TMEM201: variants seen among roughly 807,000 people sequenced by gnomAD.
TMEM201 encodes the protein RP13-15M17.2.
TMEM201 carries 26 observed loss-of-function variants against 63.4 expected under a neutral mutation model. That is an observed-to-expected ratio of 0.41 (90% CI 0.30 to 0.57). The LOEUF (loss-of-function observed/expected upper bound fraction) is 0.57. TMEM201 is among the 20% of genes least tolerant of loss of function. The probability of loss-of-function intolerance (pLI) is 0.29; values close to 1 mark genes in which losing one functional copy is unlikely to be tolerated. For synonymous variants in TMEM201, 417 were observed against 421.6 expected, an observed-to-expected ratio of 0.99 and a Z score of 0.14; for missense variants, 794 against 917.7, an observed-to-expected ratio of 0.87 and a Z score of 1.74.
In TMEM201 at chr1:9,610,977, T is replaced by A; in HGVS notation, c.1765+172T>A. 6.5e-7 allele frequency: 1 copy of A among 1,529,372 alleles called. No individual in the cohort carries two copies. The allele number at this position is 1,529,372 out of a possible 1,614,324, so 94.7% of individuals were successfully genotyped here. ...TGGTGACTTGAACCCTCTGGGACAT[T>A]GACCTCTAATGGCTGATTTCAGTTT... On this transcript the variant is annotated intron_variant, in intron 9 of 10. Transcript: ENST00000340381. This position sits in a 1 kb window ranked among gnomAD's most constrained non-coding sequence, Gnocchi z 4.9.
At chr1:9,606,613 G>T (rs1224404387) in intron 6 of TMEM201, 1 of 152,288 alleles carries the variant, frequency 6.6e-6, no homozygotes, top group Non-Finnish European at 1.5e-5. Flanking sequence ...GTTGTCCACT[G>T]GGCTCATTTG....
chr1:9,609,017 G>A (rs1276574649), intron 7 of TMEM201, among the ~76,000 whole-genome samples: 1 of 152,210 alleles, frequency 6.6e-6, no homozygotes, highest in Non-Finnish European at 1.5e-5. Context: ...CTCAGGTGCT[G>A]TGGCCAGAAT....
At chr1:9,611,213 TTC>T (rs199870263) in intron 9 of TMEM201, 10 of 490,382 alleles carry the variant, frequency 2.0e-5, no homozygotes, top group African/African-American at 1.4e-4. Context: ...TTTTTTTTTT[TTC>T]GAGATGCAGT....
rs374824438 is a variant in TMEM201 at position 9,611,786 on chromosome 1, G to C, written c.1799G>C (p.Cys600Ser). 1 of 1,551,090 alleles carries C rather than the reference G, an allele frequency of 6.4e-7. No homozygotes were observed. The highest frequency in any genetic ancestry group is 8.7e-7 in the Non-Finnish European group (1 of 1,147,042). ...TCCAAGCTGGAAAGAGGCAGTGCCT[G>C]CAGCAACCGCTCCATCAAGAAAGAG... ...LRSKLERGSACSNRSIKKEDD... is the reference protein window; with the variant it reads ...LRSKLERGSASSNRSIKKEDD... Residue 600 changes from cysteine to serine, a missense_variant, in exon 10 of 11, where the codon TGC becomes TCC. Coordinates refer to ENST00000340381, the MANE Select transcript of TMEM201 (RefSeq NM_001130924.3).
chr1:9,611,623 G>A (rs1203516643), intron 9 of TMEM201, 130 bp from the exon 10 acceptor site: 3 of 1,207,150 alleles, frequency 2.5e-6, no homozygotes, highest in African/African-American at 1.5e-5. Context: ...GTCCAGGGTG[G>A]ATGAGTGGCT....
Position 9,613,935 on chromosome 1 carries a change from C to T in TMEM201, c.*852C>T, listed in dbSNP as rs1569971657. 6.6e-6 allele frequency: 1 copy of T among 152,492 alleles called. No individual in the cohort carries two copies. Among genetic ancestry groups the T allele is most frequent in the Admixed American group, 6.5e-5 (1 of 15,306 alleles). 9.4% of individuals were successfully genotyped at this position (152,492 alleles called of 1,614,324 possible). A position where few individuals can be genotyped will look rare whatever the true frequency, so the allele number is the denominator to read the frequency against. ...GACCACCCTACTGGGCACCTGCCTCCAGCCCCTGAGAACTCCATCTTCCCC... is the reference window on the plus strand; with the variant it reads ...GACCACCCTACTGGGCACCTGCCTCTAGCCCCTGAGAACTCCATCTTCCCC... On this transcript the variant is annotated 3_prime_UTR_variant, in exon 11 of 11. Transcript: ENST00000340381.
intron 3 of TMEM201, among the ~76,000 whole-genome samples, chr1:9,598,008 G>T (rs1352897092): frequency 1.3e-5 from 2 of 152,212 alleles, no homozygotes; most frequent in Non-Finnish European, 2.9e-5. Flanking sequence ...ACAAAGACAG[G>T]CCTGGCCAGG....
chr1:9,594,983 G>A (rs1376676763), intron 1 of TMEM201, among the ~76,000 whole-genome samples: 1 of 152,236 alleles, frequency 6.6e-6, no homozygotes, highest in Non-Finnish European at 1.5e-5. Flanking sequence ...GGGCTCAAGC[G>A]GTGTCCTCGA....
intron 2 of TMEM201, 129 bp from the exon 3 acceptor site, chr1:9,596,729 GA>G (rs1557550473): frequency 3.0e-5 from 29 of 958,436 alleles, no homozygotes; most frequent in Admixed American, 8.3e-5. Context: ...GTGTGCAGAA[GA>G]AAAAAAAGAA....
At chr1:9,601,523 G>C (rs184693123) in intron 5 of TMEM201, 69 bp downstream of exon 5, 2 of 1,430,646 alleles carry the variant, frequency 1.4e-6, no homozygotes, top group Non-Finnish European at 1.9e-6. Flanking sequence ...TCTAGGGCGG[G>C]GGCCAAGAGA....
chr1:9,592,730 G>A (rs1388941323), intron 1 of TMEM201, among the ~76,000 whole-genome samples: 1 of 121,208 alleles, frequency 8.3e-6, no homozygotes, highest in Non-Finnish European at 2.0e-5. Flanking sequence ...TTGTGGACGG[G>A]GCAGGTACAG....
intron 10 of TMEM201, 22 bp downstream of exon 10, chr1:9,611,912 A>C (rs1468912618): frequency 3.2e-5 from 27 of 855,468 alleles, no homozygotes; most frequent in East Asian, 5.2e-5. Context: ...GAGGTGCGGG[A>C]GGGGAGGGGG....
Position 9,602,177 on chromosome 1 carries a change from C to T in TMEM201, c.1065C>T (p.Leu355=). 1 of 1,613,202 alleles carries T rather than the reference C, an allele frequency of 6.2e-7. No homozygotes were observed. Among genetic ancestry groups the T allele is most frequent in the Non-Finnish European group, 8.5e-7 (1 of 1,180,020 alleles). Residue 355 remains leucine, a synonymous_variant, in exon 6 of 11, where the codon CTC becomes CTT. Coordinates refer to ENST00000340381, the MANE Select transcript of TMEM201 (RefSeq NM_001130924.3). ...CCTCGCCTAGCTGGCTAGACACGCT[C>T]AAGTTCAGCACCACATCTTTGTGCT... ...QAASPSWLDT[L]KFSTTSLCCL...
chr1:9,601,909 C>T (rs1446419669), intron 5 of TMEM201, among the ~76,000 whole-genome samples, 160 bp from the exon 6 acceptor site: 1 of 152,200 alleles, frequency 6.6e-6, no homozygotes, highest in Non-Finnish European at 1.5e-5. Flanking sequence ...CTGCTCAGAG[C>T]CAGGTAGCGT....
chr1:9,593,198 A>C (rs1643950201), intron 1 of TMEM201, among the ~76,000 whole-genome samples: 1 of 152,206 alleles, frequency 6.6e-6, no homozygotes, highest in South Asian at 2.1e-4. Context: ...AGCATAGGCT[A>C]GGGGCCAGGA....
At chr1:9,591,811 G>A (rs1643926140) in intron 1 of TMEM201, among the ~76,000 whole-genome samples, 1 of 152,156 alleles carries the variant, frequency 6.6e-6, no homozygotes, top group African/African-American at 2.4e-5. Flanking sequence ...CACTCTCCCT[G>A]AGCAACCGCC....
rs560038775 is a variant in TMEM201, at chr1:9,614,595, T to G, written c.*1512T>G. On this transcript the variant is annotated 3_prime_UTR_variant, in exon 11 of 11. Transcript: ENST00000340381. ...GAGGCAGCGCCTCTTGGTCCCCATTTCTGTATAGCAGGCGTGTGTGTGTGT... is the reference window on the plus strand; with the variant it reads ...GAGGCAGCGCCTCTTGGTCCCCATTGCTGTATAGCAGGCGTGTGTGTGTGT... 1 of 152,264 alleles carries G rather than the reference T, an allele frequency of 6.6e-6. No individual in the cohort carries two copies. The highest frequency in any genetic ancestry group is 1.9e-4 in the East Asian group (1 of 5,158). The allele number at this position is 152,264 out of a possible 1,614,324, so 9.4% of individuals were successfully genotyped here.
Position 9,605,675 on chromosome 1 carries a change from A to G in TMEM201, c.1161-1882A>G, listed in dbSNP as rs1450198173. 6.6e-6 allele frequency among the ~76,000 whole-genome samples: 1 copy of G among 151,966 alleles called. No homozygotes were observed. Among genetic ancestry groups the G allele is most frequent in the African/African-American group, 2.4e-5 (1 of 41,458 alleles). On this transcript the variant is annotated intron_variant, in intron 6 of 10. Coordinates refer to ENST00000340381, the MANE Select transcript of TMEM201 (RefSeq NM_001130924.3). This position sits in a 1 kb window ranked among gnomAD's most constrained non-coding sequence, Gnocchi z 5.7. ...CTGCGAAGGAACTCCCCACAGCACC[A>G]TCTTCAGTGGCACCAAACTGGGAAC...
Position 9,610,355 on chromosome 1 carries a change from G to C in TMEM201, c.1466-151G>C. On this transcript the variant is annotated intron_variant, in intron 8 of 10. Coordinates refer to ENST00000340381, the MANE Select transcript of TMEM201 (RefSeq NM_001130924.3). The surrounding 1 kb of genome is among the most constrained non-coding windows in gnomAD (Gnocchi z 4.9). Reference sequence around the variant, plus strand: ...GGTAGAGGGCACCTCTCCTCCTTCAGCTTTGCAGCAGGACTTCCCCCTGTC... The same window carrying C: ...GGTAGAGGGCACCTCTCCTCCTTCACCTTTGCAGCAGGACTTCCCCCTGTC... The C allele has an allele frequency of 1.2e-6, 1 of 827,718 alleles. No individual in the cohort carries two copies. Among genetic ancestry groups the C allele is most frequent in the South Asian group, 1.9e-5 (1 of 53,060 alleles). 51.3% of individuals were successfully genotyped at this position (827,718 alleles called of 1,614,324 possible). A position where few individuals can be genotyped will look rare whatever the true frequency, so the allele number is the denominator to read the frequency against.
Sources: allele counts gnomAD v4.1 joint callset (sites outside exome capture counted in the v4.1 genomes callset), GRCh38; gene constraint gnomAD v4.1.1; non-coding constraint Gnocchi (gnomAD v3.1); transcripts MANE v1.5; gene names NCBI Gene and HGNC (gene_info 2026-07-23, HGNC 2026-07-21).